RRP1B: variants seen among roughly 807,000 people sequenced by gnomAD.
The protein encoded by RRP1B is ribosomal RNA processing protein 1 homolog B.
Under a neutral mutation model 80.2 loss-of-function variants are expected in RRP1B, and 56 were observed. The observed-to-expected ratio is 0.70, with a 90% confidence interval of 0.56 to 0.87. The LOEUF is 0.87. Among genes scored for constraint, RRP1B ranks in the 40% least tolerant of loss-of-function variants. RRP1B has a pLI of 0.00. For synonymous variants in RRP1B, 351 were observed against 357.6 expected (o/e 0.98, Z 0.21); for missense variants, 807 against 939.8 (o/e 0.86, Z 1.85).
intron 1 of RRP1B, among the ~76,000 whole-genome samples, chr21:43,666,698 ACAGAGTGAAACTGTCTC>A (rs1332751766): frequency 1.4e-5 from 2 of 146,698 alleles, no homozygotes; most frequent in Non-Finnish European, 3.0e-5. Flanking sequence ...AGCCTGGGCG[ACAGAGTGAAACTGTCTC>A]CAAAAAAAAA....
chr21:43,686,997 G>A (rs2083065709), intron 12 of RRP1B, 62 bp downstream of exon 12: 3 of 1,561,012 alleles, frequency 1.9e-6, no homozygotes, highest in South Asian at 2.3e-5. Context: ...ATGCACCATG[G>A]AGGCCTCGGA....
At chr21:43,676,425 A>T in intron 7 of RRP1B, 89 bp downstream of exon 7, 2 of 992,886 alleles carry the variant, frequency 2.0e-6, no homozygotes, top group Non-Finnish European at 3.1e-6. Context: ...CAGGGTACCC[A>T]GGACACTGCT....
At chr21:43,678,678 C>T (rs2083031546) in intron 8 of RRP1B, among the ~76,000 whole-genome samples, 2 of 151,948 alleles carry the variant, frequency 1.3e-5, no homozygotes, top group African/African-American at 4.8e-5. Flanking sequence ...GATATTAGTC[C>T]TTTGTTGGCT....
intron 10 of RRP1B, 51 bp from the exon 11 acceptor site, chr21:43,685,719 A>T: frequency 7.6e-7 from 1 of 1,317,600 alleles, no homozygotes. Context: ...GGATTTCTTT[A>T]TGAACATTTG....
chr21:43,674,300 A>T (rs1388310730), intron 4 of RRP1B, among the ~76,000 whole-genome samples: 2 of 152,072 alleles, frequency 1.3e-5, no homozygotes, highest in Admixed American at 1.3e-4. Flanking sequence ...GGGATTACAG[A>T]CGCGCACCAC....
intron 9 of RRP1B, among the ~76,000 whole-genome samples, chr21:43,684,232 C>T (rs1002064428): frequency 2.0e-5 from 3 of 151,636 alleles, no homozygotes; most frequent in African/African-American, 4.8e-5. Flanking sequence ...CCATCACGCC[C>T]GGCTAATATT....
chr21:43,683,769 C>T (rs1174999289), intron 9 of RRP1B, among the ~76,000 whole-genome samples: 1 of 152,074 alleles, frequency 6.6e-6, no homozygotes, highest in East Asian at 1.9e-4. Context: ...CACCTGAGGT[C>T]AAGAGTTCGA....
At chr21:43,670,021 G>T (rs1601752740) in intron 2 of RRP1B, 55 bp downstream of exon 2, 6 of 1,306,626 alleles carry the variant, frequency 4.6e-6, no homozygotes, top group African/African-American at 1.5e-5. Context: ...ATGGATAAGA[G>T]ACTTGATCAC....
chr21:43,671,709 A>G (rs909018758), intron 2 of RRP1B, among the ~76,000 whole-genome samples: 3 of 149,758 alleles, frequency 2.0e-5, no homozygotes, highest in African/African-American at 7.4e-5. Flanking sequence ...TGTTGTTTTG[A>G]GATGGAGTCT....
chr21:43,690,144 T>A (rs1568961052), intron 13 of RRP1B, 144 bp from the exon 14 acceptor site: 1 of 795,074 alleles, frequency 1.3e-6, no homozygotes, highest in Non-Finnish European at 2.0e-6. Flanking sequence ...GGAAGGGCTG[T>A]CTGCAAGTGC....
chr21:43,680,214 G>A (rs187747241), intron 8 of RRP1B, among the ~76,000 whole-genome samples: 31 of 151,994 alleles, frequency 2.0e-4, no homozygotes, highest in African/African-American at 6.0e-4. Flanking sequence ...AGGATTGTTC[G>A]TGCTTTTAAA....
Position 43,685,797 on chromosome 21 carries a change from G to T in RRP1B, c.1009+8G>T, listed in dbSNP as rs745492876. 6.3e-7 allele frequency: 1 copy of T among 1,585,314 alleles called. No individual in the cohort carries two copies. The highest frequency in any genetic ancestry group is 1.4e-5 in the African/African-American group (1 of 73,754). On this transcript the variant is annotated splice_region_variant and intron_variant, in intron 11 of 15. Transcript: ENST00000340648. The stretch of plus-strand genomic sequence containing the variant: ...TCCAAGACCTTTCTGAAGGTGAGGC[G>T]CGCCAAGAATCATCATTCATGGTGT...
intron 13 of RRP1B, among the ~76,000 whole-genome samples, chr21:43,690,040 G>C (rs552000804): frequency 6.6e-6 from 1 of 152,406 alleles, no homozygotes; most frequent in South Asian, 2.1e-4. Flanking sequence ...AGATAAAAGT[G>C]GGTCCTTACT....
intron 1 of RRP1B, among the ~76,000 whole-genome samples, chr21:43,663,672 C>T (rs577316690): frequency 3.7e-4 from 57 of 152,272 alleles, no homozygotes; most frequent in Non-Finnish European, 6.2e-4. Flanking sequence ...ATTATCCTGC[C>T]TCAGCTTCCC....
Position 43,691,162 on chromosome 21 carries a change from C to T in RRP1B, c.2020-277C>T, listed in dbSNP as rs920695894. Among the ~76,000 whole-genome samples the T allele has an allele frequency of 1.3e-5, 2 of 152,154 alleles. No homozygotes were observed. Among genetic ancestry groups the T allele is most frequent in the African/African-American group, 2.4e-5 (1 of 41,432 alleles). Reference sequence around the variant, plus strand: ...CCTGCAGCGGTAATGAGGCAGTGACCGCAGATGGGCCAAGAGTGTGGGCAC... The same window carrying T: ...CCTGCAGCGGTAATGAGGCAGTGACTGCAGATGGGCCAAGAGTGTGGGCAC... On this transcript the variant is annotated intron_variant, in intron 14 of 15. Transcript: ENST00000340648. The surrounding 1 kb of genome is among the most constrained non-coding windows in gnomAD (Gnocchi z 4.2).
intron 8 of RRP1B, among the ~76,000 whole-genome samples, chr21:43,681,584 C>T (rs907763048): frequency 3.3e-5 from 5 of 152,208 alleles, no homozygotes; most frequent in African/African-American, 1.2e-4. Flanking sequence ...ATCCGCCCGC[C>T]TGGGCCTCCC....
chr21:43,674,549 T>C (rs2147166664), intron 4 of RRP1B, 87 bp from the exon 5 acceptor site: 1 of 1,008,976 alleles, frequency 9.9e-7, no homozygotes, highest in Non-Finnish European at 1.4e-6. Context: ...CATTGGTCCC[T>C]TCATTCTGCT....
chr21:43,690,744 A>G (rs755255605), intron 14 of RRP1B, among the ~76,000 whole-genome samples: 14 of 152,218 alleles, frequency 9.2e-5, no homozygotes, highest in Non-Finnish European at 1.3e-4. Context: ...TGTTAAACAC[A>G]AGTGGTGCAA....
At chr21:43,661,702 C>T (rs2082958315) in intron 1 of RRP1B, among the ~76,000 whole-genome samples, 1 of 152,204 alleles carries the variant, frequency 6.6e-6, no homozygotes, top group African/African-American at 2.4e-5. Context: ...TCCCACATCA[C>T]CAATATTTTT....
Sources: allele counts gnomAD v4.1 joint callset (sites outside exome capture counted in the v4.1 genomes callset), GRCh38; gene constraint gnomAD v4.1.1; non-coding constraint Gnocchi (gnomAD v3.1); transcripts MANE v1.5; gene names NCBI Gene and HGNC (gene_info 2026-07-23, HGNC 2026-07-21).